The following PIK3AP1 variants were observed in gnomAD, a reference collection of about 807,000 sequenced individuals.
PIK3AP1 encodes phosphoinositide 3-kinase adapter protein 1.
In PIK3AP1, 21 loss-of-function variants were observed where a neutral mutation model predicts 88.1. That is an observed-to-expected ratio of 0.24 (90% confidence interval 0.17 to 0.34). The LOEUF is 0.34. PIK3AP1 is among the 10% of genes least tolerant of loss of function. The probability of loss-of-function intolerance (pLI) is 1.00; values close to 1 mark genes in which losing one functional copy is unlikely to be tolerated. For synonymous variants in PIK3AP1, 398 were observed against 400.0 expected, an observed-to-expected ratio of 1.00 and a Z score of 0.06; for missense variants, 828 against 1,035.7, an observed-to-expected ratio of 0.80 and a Z score of 2.75.
intron 2 of PIK3AP1, among the ~76,000 whole-genome samples, chr10:96,674,401 G>T (rs1451363969): frequency 6.6e-6 from 1 of 152,174 alleles, no homozygotes; most frequent in African/African-American, 2.4e-5. Context: ...ATTTATGCCT[G>T]CCTGGTTTGT....
rs1440325608 is a variant in PIK3AP1, at chr10:96,720,321, G to A, written c.13+61C>T. On this transcript the variant is annotated intron_variant, in intron 1 of 16. Coordinates refer to ENST00000339364, the MANE Select transcript of PIK3AP1 (RefSeq NM_152309.3). The surrounding 1 kb of genome is among the most constrained non-coding windows in gnomAD (Gnocchi z 4.6). ...AAGCAAGCGGGGGAGCGCGCCTCAA[G>A]GGATGCGGGGTACGAGAGAGGGGCC... The A allele has an allele frequency of 1.6e-6, 2 of 1,240,436 alleles. No homozygotes were observed. The highest frequency in any genetic ancestry group is 2.0e-6 in the Non-Finnish European group (2 of 985,496). 76.8% of individuals were successfully genotyped at this position (1,240,436 alleles called of 1,614,324 possible).
At chr10:96,683,619 A>T (rs1844030680) in intron 2 of PIK3AP1, among the ~76,000 whole-genome samples, 1 of 152,210 alleles carries the variant, frequency 6.6e-6, no homozygotes, top group Non-Finnish European at 1.5e-5. Flanking sequence ...GAGATAATAA[A>T]ATCAAGTCAT....
intron 2 of PIK3AP1, among the ~76,000 whole-genome samples, chr10:96,676,033 G>A (rs1174414632): frequency 6.6e-6 from 1 of 152,186 alleles, no homozygotes; most frequent in African/African-American, 2.4e-5. Flanking sequence ...CTCTTTCCAT[G>A]AGGGGTTGCC....
intron 2 of PIK3AP1, among the ~76,000 whole-genome samples, chr10:96,701,268 C>G (rs1218468364): frequency 1.3e-5 from 2 of 152,190 alleles, no homozygotes; most frequent in Non-Finnish European, 2.9e-5. Flanking sequence ...CTTCCTTGAG[C>G]ATTCTTCATT....
chr10:96,682,011 TATAGAG>T (rs372069600), intron 2 of PIK3AP1, among the ~76,000 whole-genome samples: 5,113 of 130,844 alleles, frequency 0.039, 272 homozygotes, highest in African/African-American at 0.14. Context: ...TATATATATA[TATAGAG>T]AGAGAGAGAG....
At chr10:96,657,003 G>T in intron 2 of PIK3AP1, 69 bp from the exon 3 acceptor site, 1 of 1,546,188 alleles carries the variant, frequency 6.5e-7, no homozygotes, top group Non-Finnish European at 8.9e-7. Context: ...TCCACCCCAT[G>T]AGAGCCCCAA....
chr10:96,700,588 A>T (rs2134282899), intron 2 of PIK3AP1, among the ~76,000 whole-genome samples: 1 of 152,320 alleles, frequency 6.6e-6, no homozygotes, highest in South Asian at 2.1e-4. Context: ...AGAAAAAGAA[A>T]GCGTCCTTCA....
chr10:96,695,558 T>C (rs867287012), intron 2 of PIK3AP1, among the ~76,000 whole-genome samples: 10 of 152,194 alleles, frequency 6.6e-5, no homozygotes, highest in African/African-American at 2.4e-4. Context: ...AAAATAGGCA[T>C]ATTCAACCAG....
chr10:96,620,623 G>A (rs879030225), intron 11 of PIK3AP1, 66 bp from the exon 12 acceptor site: 24 of 1,401,662 alleles, frequency 1.7e-5, no homozygotes, highest in African/African-American at 8.5e-5. Context: ...AGAAGTGTAC[G>A]GTTAATGAGG....
At chr10:96,702,990 C>T (rs1468005908) in intron 2 of PIK3AP1, among the ~76,000 whole-genome samples, 1 of 152,144 alleles carries the variant, frequency 6.6e-6, no homozygotes, top group African/African-American at 2.4e-5. Flanking sequence ...AATCTTCCCA[C>T]CTCAGCCTCT....
rs1564984103 is a variant in PIK3AP1 at position 96,687,275 on chromosome 10, AAAAAAAAAAAG to A, written c.430+22281_430+22291del. On this transcript the variant is annotated intron_variant, in intron 2 of 16. Transcript: ENST00000339364. ...CATCTCAAAAAAAAAAAAAAAAAAA[AAAAAAAAAAAG>A]AAAAAAGATCTCCTCCTTTCAAGGA... Among the ~76,000 whole-genome samples the A allele has an allele frequency of 5.9e-5, 8 of 135,802 alleles. 2 individuals are homozygous for A. The highest frequency in any genetic ancestry group is 2.9e-4 in the African/African-American group (8 of 27,228). The allele number at this position is 135,802 out of a possible 152,430, so 89.1% of individuals were successfully genotyped here.
chr10:96,656,023 C>A (rs984515096), intron 3 of PIK3AP1, among the ~76,000 whole-genome samples: 1 of 152,248 alleles, frequency 6.6e-6, no homozygotes, highest in African/African-American at 2.4e-5. Flanking sequence ...AAACCACCCA[C>A]AAGGGTGAGG....
chr10:96,626,132 A>T (rs1843151149), intron 10 of PIK3AP1, among the ~76,000 whole-genome samples: 1 of 152,226 alleles, frequency 6.6e-6, no homozygotes, highest in African/African-American at 2.4e-5. Flanking sequence ...ATCAGTATCT[A>T]ACTAATGTCC....
intron 13 of PIK3AP1, among the ~76,000 whole-genome samples, chr10:96,614,102 G>T (rs1056460903): frequency 1.3e-5 from 2 of 152,068 alleles, no homozygotes; most frequent in African/African-American, 4.8e-5. Context: ...GCACCAGGTG[G>T]GGAGCCCAGA....
chr10:96,702,921 G>T (rs568208088), intron 2 of PIK3AP1, among the ~76,000 whole-genome samples: 1 of 152,148 alleles, frequency 6.6e-6, no homozygotes, highest in African/African-American at 2.4e-5. Context: ...CTGTCTCCCA[G>T]GCTGGAGTGC....
intron 2 of PIK3AP1, among the ~76,000 whole-genome samples, chr10:96,682,731 C>G (rs1294793662): frequency 6.6e-6 from 1 of 152,164 alleles, no homozygotes; most frequent in African/African-American, 2.4e-5. Context: ...AAAACCTTAA[C>G]AGGGTTTTCC....
intron 14 of PIK3AP1, among the ~76,000 whole-genome samples, chr10:96,606,325 A>G (rs1485832441): frequency 6.6e-6 from 1 of 152,190 alleles, no homozygotes. Flanking sequence ...CTCTGTGGCT[A>G]AGCCTCCCCA....
rs767481919 is a variant in PIK3AP1 at position 96,651,316 on chromosome 10, T to C, written c.920A>G (p.Asn307Ser). Reference protein sequence around the residue: ...LDKLLTESLKNNIPASGLHLF... With the variant: ...LDKLLTESLKSNIPASGLHLF... ...GTGCAGTCCGCTTGCAGGGATATTGTTCTTCAGGGATTCGGTTAGCAGTTT... is the reference window on the plus strand; with the variant it reads ...GTGCAGTCCGCTTGCAGGGATATTGCTCTTCAGGGATTCGGTTAGCAGTTT... Residue 307 changes from asparagine to serine, a missense_variant, in exon 6 of 17, where the codon AAC becomes AGC. Around this residue, in one of 3 missense-constraint regions of PIK3AP1, gnomAD observed 610 missense variants for 760.1 expected, o/e 0.80. Transcript: ENST00000339364. 6.2e-7 allele frequency: 1 copy of C among 1,614,210 alleles called. No homozygotes were observed. The highest frequency in any genetic ancestry group is 8.5e-7 in the Non-Finnish European group (1 of 1,180,034).
chr10:96,633,603 C>A (rs1023831228), intron 8 of PIK3AP1, among the ~76,000 whole-genome samples: 2 of 152,042 alleles, frequency 1.3e-5, no homozygotes, highest in Admixed American at 6.6e-5. Context: ...AATTCTATAC[C>A]CAGGCTAATG....
Sources: allele counts gnomAD v4.1 joint callset (sites outside exome capture counted in the v4.1 genomes callset), GRCh38; gene constraint gnomAD v4.1.1; regional missense constraint gnomAD v4.1.1; non-coding constraint Gnocchi (gnomAD v3.1); transcripts MANE v1.5; gene names NCBI Gene and HGNC (gene_info 2026-07-23, HGNC 2026-07-21).